ZNF521: variants seen among roughly 807,000 people sequenced by gnomAD.
ZNF521 encodes the protein zinc finger protein 521.
In ZNF521, 14 loss-of-function variants were observed where a neutral mutation model predicts 105.5. The ratio of observed to expected loss-of-function variants is 0.13; its 90% confidence interval spans 0.09 to 0.21. The LOEUF is 0.21. Among genes scored for constraint, ZNF521 ranks in the 10% least tolerant of loss-of-function variants. The pLI, the probability that ZNF521 is intolerant of heterozygous loss-of-function variation, is 1.00. For missense variants in ZNF521, 1,233 were observed against 1,629.7 expected (o/e 0.76, Z 4.19); for synonymous variants, 635 against 606.0 (o/e 1.05, Z -0.70).
intron 4 of ZNF521, among the ~76,000 whole-genome samples, chr18:25,208,298 C>A (rs759370708): frequency 6.6e-6 from 1 of 152,130 alleles, no homozygotes; most frequent in African/African-American, 2.4e-5. Flanking sequence ...ATGAACAATG[C>A]TTGCCACACA....
intron 2 of ZNF521, chr18:25,327,448 C>G: frequency 2.6e-6 from 3 of 1,172,020 alleles, no homozygotes; most frequent in Non-Finnish European, 3.2e-6. Context: ...AAGTCCCACA[C>G]CTAAAAAGAA....
chr18:25,234,865 C>G (rs576042313), intron 3 of ZNF521, among the ~76,000 whole-genome samples: 1 of 151,896 alleles, frequency 6.6e-6, no homozygotes, highest in African/African-American at 2.4e-5. Context: ...TAAAGAACTA[C>G]TATTTAACAA....
intron 4 of ZNF521, among the ~76,000 whole-genome samples, chr18:25,214,782 G>A (rs916493325): frequency 1.3e-5 from 2 of 152,158 alleles, no homozygotes; most frequent in African/African-American, 2.4e-5. Context: ...TAGGAAGCAC[G>A]TGAAGGAGAC....
rs200266398 is a variant in ZNF521 at position 25,333,294 on chromosome 18, G to GAC, written c.41-11109_41-11108dup. Among the ~76,000 whole-genome samples, 267 of 70,414 alleles carry GAC rather than the reference G, an allele frequency of 3.8e-3. 12 individuals carry two copies. In the East Asian group the frequency reaches 0.084, roughly 22 times the overall value. 46.2% of individuals were successfully genotyped at this position (70,414 alleles called of 152,430 possible). A position where few individuals can be genotyped will look rare whatever the true frequency, so the allele number is the denominator to read the frequency against. Reference sequence around the variant, plus strand: ...TTTAATAAGCATGTGGTTTAATAAGGACACACTCTCTCTCTCTCTCTATAT... The same window carrying GAC: ...TTTAATAAGCATGTGGTTTAATAAGGACACACACTCTCTCTCTCTCTCTATAT... On this transcript the variant is annotated intron_variant, in intron 2 of 7. Transcript: ENST00000361524.
chr18:25,177,897 A>G (rs1019726082), intron 5 of ZNF521, among the ~76,000 whole-genome samples: 5 of 152,176 alleles, frequency 3.3e-5, no homozygotes, highest in African/African-American at 9.6e-5. Flanking sequence ...AACCTGCACA[A>G]TTTTGTTCTT....
At chr18:25,298,756 AT>A (rs2145059326) in intron 3 of ZNF521, among the ~76,000 whole-genome samples, 1 of 152,324 alleles carries the variant, frequency 6.6e-6, no homozygotes, top group African/African-American at 2.4e-5. Flanking sequence ...TTTAAAAAAA[AT>A]CATTGGAGAA....
intron 2 of ZNF521, among the ~76,000 whole-genome samples, chr18:25,342,485 G>A (rs1160373958): frequency 1.3e-5 from 2 of 149,540 alleles, no homozygotes; most frequent in Non-Finnish European, 3.0e-5. Context: ...CCGGAGTGCA[G>A]TGGAGCCATC....
At chr18:25,105,792 G>A (rs1158982924) in intron 5 of ZNF521, among the ~76,000 whole-genome samples, 1 of 152,158 alleles carries the variant, frequency 6.6e-6, no homozygotes, top group Non-Finnish European at 1.5e-5. Context: ...CAAATTTTTA[G>A]TTAAATCGTG....
intron 5 of ZNF521, among the ~76,000 whole-genome samples, chr18:25,093,372 T>C (rs1286823664): frequency 6.6e-6 from 1 of 152,170 alleles, no homozygotes; most frequent in Non-Finnish European, 1.5e-5. Context: ...GATTAAAAAA[T>C]GCTACTAAGA....
chr18:25,186,164 T>C (rs2035719077), intron 5 of ZNF521, among the ~76,000 whole-genome samples: 1 of 152,188 alleles, frequency 6.6e-6, no homozygotes, highest in Non-Finnish European at 1.5e-5. Context: ...AAAAAGAGAT[T>C]CTCTCCTCAC....
At chr18:25,179,427 A>G (rs2035593119) in intron 5 of ZNF521, among the ~76,000 whole-genome samples, 1 of 151,760 alleles carries the variant, frequency 6.6e-6, no homozygotes, top group Admixed American at 6.6e-5. Context: ...TGGCACTCAC[A>G]GCATTTTACA....
rs1411325256 is a variant in ZNF521, at chr18:25,226,391, A to G, written c.1527T>C (p.Asp509=). The G allele has an allele frequency of 5.0e-6, 8 of 1,614,130 alleles. No homozygotes were observed. In the East Asian group the frequency reaches 1.6e-4, roughly 31 times the overall value. Residue 509 remains aspartate (D), a synonymous_variant, in exon 4 of 8, where the codon GAT becomes GAC. Transcript: ENST00000361524. This position sits in a 1 kb window ranked among gnomAD's most constrained non-coding sequence, Gnocchi z 4.1. ...AATGGGGACAAAAGAATGCATTACT[A>G]TCTTTAGCTGCAGGGTTTGCAAATC... ...SHGFANPAAK[D]SNAFFCPHCY... is the part of the protein sequence containing the mutation.
At chr18:25,106,413 G>T (rs1221899478) in intron 5 of ZNF521, among the ~76,000 whole-genome samples, 1 of 151,954 alleles carries the variant, frequency 6.6e-6, no homozygotes. Flanking sequence ...TAAATAAAAA[G>T]TTAGATTTCC....
rs144858799 is a variant in ZNF521 at position 25,064,024 on chromosome 18, C to A, written c.3907-1283G>T. ...CATGCCAATAATTCCGATGTTCATTCATTTATTCATTCATCTACAAGCATC... is the reference window on the plus strand; with the variant it reads ...CATGCCAATAATTCCGATGTTCATTAATTTATTCATTCATCTACAAGCATC... On this transcript the variant is annotated intron_variant, in intron 7 of 7. Transcript: ENST00000361524. 8.5e-5 allele frequency among the ~76,000 whole-genome samples: 13 copies of A among 152,350 alleles called. No homozygotes were observed. The East Asian group carries it at 2.3e-3, about 27-fold the overall frequency.
intron 7 of ZNF521, among the ~76,000 whole-genome samples, chr18:25,086,835 T>A (rs2144195043): frequency 6.6e-6 from 1 of 152,250 alleles, no homozygotes; most frequent in Non-Finnish European, 1.5e-5. Flanking sequence ...ACTAAAAAGG[T>A]CACAAAAACT....
chr18:25,207,271 G>C (rs2036098269), intron 4 of ZNF521, among the ~76,000 whole-genome samples: 1 of 152,124 alleles, frequency 6.6e-6, no homozygotes, highest in Non-Finnish European at 1.5e-5. Flanking sequence ...AACCTAGCAA[G>C]CCTAGGACCC....
chr18:25,260,419 G>A (rs995501602), intron 3 of ZNF521, among the ~76,000 whole-genome samples: 3 of 152,020 alleles, frequency 2.0e-5, no homozygotes, highest in African/African-American at 7.3e-5. Context: ...TGGGTGGGGT[G>A]GTGGGTCGGA....
chr18:25,339,124 A>G (rs9961077), intron 2 of ZNF521, among the ~76,000 whole-genome samples: 138,515 of 152,302 alleles, frequency 0.91, 63,161 homozygotes, highest in African/African-American at 0.97. Flanking sequence ...AAGGAATACC[A>G]TTTGTGTGAA....
At chr18:25,233,123 A>G (rs774671280) in intron 3 of ZNF521, among the ~76,000 whole-genome samples, 1 of 152,216 alleles carries the variant, frequency 6.6e-6, no homozygotes, top group Non-Finnish European at 1.5e-5. Flanking sequence ...ATGTTACTTC[A>G]ATGCCAACAC....
Sources: gnomAD v4.1 joint callset for allele counts (sites outside exome capture counted in the v4.1 genomes callset) on GRCh38, gnomAD v4.1.1 for gene constraint, Gnocchi (gnomAD v3.1) non-coding constraint, MANE v1.5 for transcripts, NCBI Gene and HGNC (gene_info 2026-07-23, HGNC 2026-07-21) for gene names.